The following PTPRT variants were observed in gnomAD, a reference collection of about 807,000 sequenced individuals.
PTPRT encodes the protein receptor-type tyrosine-protein phosphatase T.
PTPRT carries 56 observed loss-of-function variants against 176.8 expected under a neutral mutation model. The ratio of observed to expected loss-of-function variants is 0.32; its 90% CI spans 0.26 to 0.40. The LOEUF is 0.40. PTPRT is among the 10% of genes least tolerant of loss of function. The pLI is 1.00. For missense variants in PTPRT, 1,540 were observed against 1,908.2 expected (o/e 0.81, Z 3.60); for synonymous variants, 783 against 739.0 (o/e 1.06, Z -0.96).
intron 13 of PTPRT, among the ~76,000 whole-genome samples, chr20:42,261,307 A>G (rs1049335649): frequency 1.3e-5 from 2 of 152,076 alleles, no homozygotes; most frequent in East Asian, 3.9e-4. Context: ...CTGTCTTTAC[A>G]TGATGTTTTT....
chr20:42,950,106 C>T (rs978287626), intron 1 of PTPRT, among the ~76,000 whole-genome samples: 3 of 152,134 alleles, frequency 2.0e-5, no homozygotes, highest in East Asian at 1.9e-4. Flanking sequence ...AGAATCCAAG[C>T]CTAGTAATCA....
At chr20:42,645,757 T>C (rs1321690945) in intron 7 of PTPRT, among the ~76,000 whole-genome samples, 2 of 143,948 alleles carry the variant, frequency 1.4e-5, no homozygotes, top group African/African-American at 5.4e-5. Context: ...AGATGGGATG[T>C]GTATTTATGT....
intron 1 of PTPRT, among the ~76,000 whole-genome samples, chr20:42,993,184 C>T (rs1010767953): frequency 3.3e-5 from 5 of 151,552 alleles, no homozygotes; most frequent in African/African-American, 9.7e-5. Flanking sequence ...TTTGGGAGGC[C>T]GAGGTGGGTG....
intron 7 of PTPRT, among the ~76,000 whole-genome samples, chr20:42,648,303 G>C (rs935560697): frequency 1.3e-5 from 2 of 152,082 alleles, no homozygotes; most frequent in African/African-American, 4.8e-5. Flanking sequence ...GGGGTGCTTT[G>C]TCCTTACTCT....
chr20:42,745,045 A>C (rs1333218492), intron 6 of PTPRT, among the ~76,000 whole-genome samples: 1 of 152,194 alleles, frequency 6.6e-6, no homozygotes, highest in Non-Finnish European at 1.5e-5. Flanking sequence ...AGATCTCGGA[A>C]ATGGGGAGTC....
intron 7 of PTPRT, among the ~76,000 whole-genome samples, chr20:42,486,773 G>C (rs972723173): frequency 8.5e-5 from 13 of 152,102 alleles, no homozygotes; most frequent in African/African-American, 1.9e-4. Flanking sequence ...CAGGTTGAAG[G>C]AGCGGTAGCC....
intron 1 of PTPRT, among the ~76,000 whole-genome samples, chr20:43,187,908 T>C (rs567931050): frequency 6.6e-6 from 1 of 152,350 alleles, no homozygotes; most frequent in South Asian, 2.1e-4. Flanking sequence ...TGCATTTTAA[T>C]AGTTGTGGGC....
chr20:42,712,364 CA>C (rs1352947687), intron 6 of PTPRT, among the ~76,000 whole-genome samples: 1 of 151,922 alleles, frequency 6.6e-6, no homozygotes, highest in Non-Finnish European at 1.5e-5. Context: ...TGTAGCAGCC[CA>C]AAAAAGAAGC....
At chr20:42,842,383 C>T (rs2078293771) in intron 2 of PTPRT, among the ~76,000 whole-genome samples, 1 of 152,192 alleles carries the variant, frequency 6.6e-6, no homozygotes. Context: ...TCACTTCAGA[C>T]TGCTATAACA....
chr20:42,870,896 A>G (rs1373007940), intron 2 of PTPRT, among the ~76,000 whole-genome samples: 1 of 150,452 alleles, frequency 6.6e-6, no homozygotes, highest in African/African-American at 2.4e-5. Flanking sequence ...GTGATATCTC[A>G]TTGTGGTTTT....
At chr20:43,135,890 T>C (rs1192114896) in intron 1 of PTPRT, among the ~76,000 whole-genome samples, 1 of 152,222 alleles carries the variant, frequency 6.6e-6, no homozygotes, top group Non-Finnish European at 1.5e-5. Context: ...CAGAGTCACA[T>C]GGAATAAATT....
chr20:42,610,379 GT>G (rs74271793), intron 7 of PTPRT, among the ~76,000 whole-genome samples: 74 of 136,404 alleles, frequency 5.4e-4, no homozygotes, highest in South Asian at 9.4e-4. Context: ...TACTTGTTTT[GT>G]TTTTTTTTTT....
chr20:42,468,248 T>C (rs1418130603), intron 8 of PTPRT, among the ~76,000 whole-genome samples: 1 of 152,144 alleles, frequency 6.6e-6, no homozygotes, highest in African/African-American at 2.4e-5. Flanking sequence ...GCCAACTCAA[T>C]CCTAAAGGTT....
At chr20:43,157,488 C>G (rs1209766311) in intron 1 of PTPRT, among the ~76,000 whole-genome samples, 5 of 152,156 alleles carry the variant, frequency 3.3e-5, no homozygotes, top group Admixed American at 1.3e-4. Flanking sequence ...TTAACTGACT[C>G]CCTCTGCAAG....
intron 7 of PTPRT, among the ~76,000 whole-genome samples, chr20:42,605,937 C>T (rs1370068584): frequency 6.6e-6 from 1 of 152,198 alleles, no homozygotes; most frequent in Non-Finnish European, 1.5e-5. Flanking sequence ...CACGATCCTT[C>T]ATGAGCCTGA....
chr20:42,449,533 C>G (rs748122442), intron 8 of PTPRT, among the ~76,000 whole-genome samples: 1 of 152,172 alleles, frequency 6.6e-6, no homozygotes, highest in Non-Finnish European at 1.5e-5. Context: ...ATTTTACCTA[C>G]ATTATTTCAC....
At chr20:42,797,873 C>A (rs2077474986) in intron 2 of PTPRT, among the ~76,000 whole-genome samples, 1 of 151,932 alleles carries the variant, frequency 6.6e-6, no homozygotes, top group African/African-American at 2.4e-5. Flanking sequence ...CTGCAGGTGG[C>A]CAGAAAAAAA....
intron 7 of PTPRT, among the ~76,000 whole-genome samples, chr20:42,666,213 T>C (rs927391970): frequency 6.6e-6 from 1 of 152,212 alleles, no homozygotes; most frequent in African/African-American, 2.4e-5. Context: ...TTATGAAAAT[T>C]CCATACTTGT....
the PTPRT span, among the ~76,000 whole-genome samples, chr20:42,051,990 G>A: frequency 0.031 from 4,701 of 152,310 alleles, 248 homozygotes; most frequent in African/African-American, 0.11. Flanking sequence ...CAGCTGAACA[G>A]ATTATACTGA....
Sources: gnomAD v4.1 joint callset for allele counts (sites outside exome capture counted in the v4.1 genomes callset) on GRCh38, gnomAD v4.1.1 for gene constraint, MANE v1.5 for transcripts, NCBI Gene and HGNC (gene_info 2026-07-23, HGNC 2026-07-21) for gene names.